Variants in ARHGAP32 observed in about 807,000 individuals in gnomAD.
ARHGAP32 encodes the protein Rho GTPase activating protein 32.
In ARHGAP32, 51 loss-of-function variants were observed where a neutral mutation model predicts 186.5. That is an observed-to-expected ratio of 0.27 (90% confidence interval 0.22 to 0.35). The LOEUF is 0.35. ARHGAP32 is among the 10% of genes least tolerant of loss of function. ARHGAP32 has a pLI of 1.00. For synonymous variants in ARHGAP32, 950 were observed against 964.3 expected (o/e 0.99, Z 0.27); for missense variants, 2,186 against 2,623.5 (o/e 0.83, Z 3.64).
At chr11:129,228,855 C>T (rs1944820072) in intron 1 of ARHGAP32, among the ~76,000 whole-genome samples, 1 of 152,068 alleles carries the variant, frequency 6.6e-6, no homozygotes, top group African/African-American at 2.4e-5. Context: ...TATCCCAGAA[C>T]TTAAAAGTAA....
chr11:129,014,982 CACG>C (rs1162923470), intron 11 of ARHGAP32, among the ~76,000 whole-genome samples: 19 of 152,128 alleles, frequency 1.2e-4, no homozygotes, highest in Non-Finnish European at 4.4e-5. Context: ...TTATTTAAAG[CACG>C]ACAATATATC....
At chr11:128,983,508 G>A (rs1369519623) in intron 15 of ARHGAP32, among the ~76,000 whole-genome samples, 1 of 151,450 alleles carries the variant, frequency 6.6e-6, no homozygotes, top group East Asian at 1.9e-4. Flanking sequence ...GTGGGGGGAA[G>A]GGGGAGGGAT....
At chr11:129,174,770 T>C (rs1482888543) in intron 1 of ARHGAP32, among the ~76,000 whole-genome samples, 1 of 151,738 alleles carries the variant, frequency 6.6e-6, no homozygotes, top group Non-Finnish European at 1.5e-5. Flanking sequence ...AGAAAGCACA[T>C]CCACACCAAA....
At chr11:129,038,241 TC>T (rs945545024) in intron 11 of ARHGAP32, among the ~76,000 whole-genome samples, 7 of 152,126 alleles carry the variant, frequency 4.6e-5, no homozygotes, top group Middle Eastern at 3.4e-3. Flanking sequence ...AATAATCTTT[TC>T]AACAAACAGT....
intron 22 of ARHGAP32, chr11:128,971,435 A>G: frequency 2.6e-6 from 1 of 382,472 alleles, no homozygotes; most frequent in South Asian, 5.3e-5. Flanking sequence ...CATAATTTTA[A>G]TATACAAACC....
rs113531685 is a variant in ARHGAP32, at chr11:128,983,681, C to T, written c.1527-1745G>A. Among the ~76,000 whole-genome samples, 871 of 150,906 alleles carry T rather than the reference C, an allele frequency of 5.8e-3. 3 individuals carry two copies. Among genetic ancestry groups the T allele is most frequent in the African/African-American group, 0.02 (822 of 41,232 alleles). ...AAATAAAATAGAATAAAGCCAGGCT[C>T]CTCAGCCAAAAAAAAAAGAAAACCA... On this transcript the variant is annotated intron_variant, in intron 15 of 22. Transcript: ENST00000682385.
Position 129,123,940 on chromosome 11 carries a change from A to C in ARHGAP32, c.318-11T>G, listed in dbSNP as rs1419794640. ...CCTGGAGTGGTGGACCTGAACGCAG[A>C]ATGAACATTTTTATCCTTGTCTTTC... On this transcript the variant is annotated splice_polypyrimidine_tract_variant and intron_variant, in intron 3 of 22. Transcript: ENST00000682385. This position sits in a 1 kb window ranked among gnomAD's most constrained non-coding sequence, Gnocchi z 4.6. 2.3e-5 allele frequency: 30 copies of C among 1,289,592 alleles called. No homozygotes were observed. The highest frequency in any genetic ancestry group is 2.7e-5 in the Non-Finnish European group (27 of 989,032). 79.9% of individuals were successfully genotyped at this position (1,289,592 alleles called of 1,614,324 possible).
In ARHGAP32 at chr11:129,093,713, T is replaced by C. The variant is rs1322360409; in HGVS notation, c.445-6A>G. 2 of 1,572,954 alleles carry C rather than the reference T, an allele frequency of 1.3e-6. No homozygotes were observed. Among genetic ancestry groups the C allele is most frequent in the South Asian group, 1.2e-5 (1 of 85,586 alleles). On this transcript the variant is annotated splice_region_variant and splice_polypyrimidine_tract_variant and intron_variant, in intron 5 of 22. Transcript: ENST00000682385. The stretch of plus-strand genomic sequence containing the variant: ...TGTTCTTCTGAAAGTGAAAGCTACA[T>C]CACAGAAAAAAAAGAAGAGGGGGAA...
intron 1 of ARHGAP32, among the ~76,000 whole-genome samples, chr11:129,233,607 A>G (rs1182233895): frequency 6.6e-6 from 1 of 151,912 alleles, no homozygotes; most frequent in East Asian, 1.9e-4. Context: ...TCAATGTGGC[A>G]TGGTCTATAA....
intron 11 of ARHGAP32, among the ~76,000 whole-genome samples, chr11:129,006,405 A>G (rs1458011367): frequency 1.3e-5 from 2 of 152,152 alleles, no homozygotes; most frequent in Non-Finnish European, 2.9e-5. Context: ...GGGTGTTGTG[A>G]TCTGCATCAC....
intron 10 of ARHGAP32, among the ~76,000 whole-genome samples, chr11:129,045,443 G>C (rs1389287123): frequency 6.6e-6 from 1 of 152,184 alleles, no homozygotes; most frequent in African/African-American, 2.4e-5. Flanking sequence ...AAAAGAGTCA[G>C]TTCTATGAAT....
intron 5 of ARHGAP32, among the ~76,000 whole-genome samples, chr11:129,094,419 T>A (rs1941671061): frequency 6.6e-6 from 1 of 152,216 alleles, no homozygotes; most frequent in South Asian, 2.1e-4. Flanking sequence ...TAGGTCTGCA[T>A]ACTGGATTTT....
chr11:128,978,941 A>G, intron 18 of ARHGAP32, 26 bp from the exon 19 acceptor site: 1 of 1,587,592 alleles, frequency 6.3e-7, no homozygotes, highest in Non-Finnish European at 8.5e-7. Context: ...AATAATCAAC[A>G]TTAAGATAGC....
chr11:129,261,936 A>G (rs1224134404), intron 1 of ARHGAP32, among the ~76,000 whole-genome samples: 2 of 152,238 alleles, frequency 1.3e-5, no homozygotes, highest in African/African-American at 2.4e-5. Context: ...GATGATTTTT[A>G]CAGCTAAACT....
chr11:128,992,362 CA>C (rs552352864), intron 12 of ARHGAP32, among the ~76,000 whole-genome samples: 4 of 148,804 alleles, frequency 2.7e-5, no homozygotes, highest in Admixed American at 6.7e-5. Context: ...ATATGTACAC[CA>C]AAAAAAAATA....
intron 15 of ARHGAP32, among the ~76,000 whole-genome samples, chr11:128,985,344 C>T (rs921204549): frequency 4.6e-5 from 7 of 151,376 alleles, no homozygotes; most frequent in African/African-American, 1.5e-4. Context: ...GAAATATATA[C>T]ATAAGCAATG....
At chr11:128,975,260 G>A (rs12281750) in intron 20 of ARHGAP32, among the ~76,000 whole-genome samples, 3,179 of 152,272 alleles carry the variant, frequency 0.021, 55 homozygotes, top group African/African-American at 0.046. Flanking sequence ...GAGAGGAAAA[G>A]AACTCAGAAT....
chr11:128,973,497 C>T lies in ARHGAP32; in HGVS notation c.3074-65G>A, dbSNP rs957511717. On this transcript the variant is annotated intron_variant, in intron 21 of 22. Transcript: ENST00000682385. The stretch of plus-strand genomic sequence containing the variant: ...AGCTTACGTTATCCTAAATGGAAAG[C>T]CAAACACTCCCCATGTGATCATTAA... 9.1e-6 allele frequency: 14 copies of T among 1,537,850 alleles called. No individual in the cohort carries two copies. The African/African-American group carries it at 9.6e-5, about 11-fold the overall frequency.
chr11:128,969,450 C>T lies in ARHGAP32; in HGVS notation c.5763G>A (p.Gly1921=). ...YPQGAGQLDY[G]SKGIPDTSEP... is the part of the protein sequence containing the mutation. ...CAGAAGTGTCTGGAATCCCTTTGGA[C>T]CCATAATCTAACTGGCCAGCTCCCT... Residue 1921 remains glycine, a synonymous_variant, in exon 23 of 23, where the codon GGG becomes GGA. Transcript: ENST00000682385. This position sits in a 1 kb window ranked among gnomAD's most constrained non-coding sequence, Gnocchi z 4.8. The T allele has an allele frequency of 1.2e-6, 2 of 1,614,142 alleles. No individual in the cohort carries two copies. The highest frequency in any genetic ancestry group is 1.7e-6 in the Non-Finnish European group (2 of 1,180,034).
Sources: allele counts gnomAD v4.1 joint callset (sites outside exome capture counted in the v4.1 genomes callset), GRCh38; gene constraint gnomAD v4.1.1; non-coding constraint Gnocchi (gnomAD v3.1); transcripts MANE v1.5; gene names NCBI Gene and HGNC (gene_info 2026-07-23, HGNC 2026-07-21).